Variants in RNF220 observed in about 807,000 individuals in gnomAD.
RNF220 encodes the protein ring finger protein 220.
In RNF220, 7 loss-of-function variants were observed where a neutral mutation model predicts 67.1. The observed-to-expected ratio is 0.10, with a 90% CI of 0.06 to 0.20. The LOEUF (loss-of-function observed/expected upper bound fraction) is 0.20, where lower values mean the gene tolerates loss of function less well. Ranked by LOEUF, RNF220 falls within the 10% of genes least tolerant of loss-of-function variation. The pLI is 1.00. For missense variants in RNF220, 565 were observed against 740.3 expected, an observed-to-expected ratio of 0.76 and a Z score of 2.75; for synonymous variants, 270 against 283.2, an observed-to-expected ratio of 0.95 and a Z score of 0.47.
intron 2 of RNF220, among the ~76,000 whole-genome samples, chr1:44,605,253 C>G (rs1667189255): frequency 6.7e-6 from 1 of 148,424 alleles, no homozygotes; most frequent in Non-Finnish European, 1.5e-5. Flanking sequence ...GAGCTGAGAT[C>G]ACACCACTGC....
intron 8 of RNF220, among the ~76,000 whole-genome samples, chr1:44,639,143 G>A (rs1421033127): frequency 6.6e-6 from 1 of 152,214 alleles, no homozygotes; most frequent in Non-Finnish European, 1.5e-5. Context: ...GGGGCTTCTA[G>A]GCTAGAGAAG....
Position 44,645,106 on chromosome 1 carries a change from G to T in RNF220, c.1310+25G>T, listed in dbSNP as rs372664886. Reference sequence around the variant, plus strand: ...AGCAAGTGTGGGCACAGGCTTGGGCGGGTGGAGCAGAGAAACAGGAAGCCC... The same window carrying T: ...AGCAAGTGTGGGCACAGGCTTGGGCTGGTGGAGCAGAGAAACAGGAAGCCC... On this transcript the variant is annotated intron_variant, in intron 10 of 14. Coordinates refer to ENST00000361799, the MANE Select transcript of RNF220 (RefSeq NM_018150.4). The surrounding 1 kb of genome is among the most constrained non-coding windows in gnomAD (Gnocchi z 5.0). 1.9e-6 allele frequency: 3 copies of T among 1,613,532 alleles called. No individual in the cohort carries two copies. Among genetic ancestry groups the T allele is most frequent in the Admixed American group, 3.3e-5 (2 of 59,998 alleles).
chr1:44,530,517 T>G (rs181195265), intron 2 of RNF220, among the ~76,000 whole-genome samples: 260 of 124,442 alleles, frequency 2.1e-3, no homozygotes, highest in African/African-American at 7.6e-3. Flanking sequence ...TGCACTTTCA[T>G]GGAGTCAAAT....
chr1:44,518,649 G>A (rs560082388), intron 2 of RNF220, among the ~76,000 whole-genome samples: 2 of 152,272 alleles, frequency 1.3e-5, no homozygotes, highest in East Asian at 1.9e-4. Context: ...GGCCAAGGCA[G>A]GCAGATCACG....
chr1:44,583,043 C>A (rs977192802), intron 2 of RNF220, among the ~76,000 whole-genome samples: 1 of 152,014 alleles, frequency 6.6e-6, no homozygotes, highest in African/African-American at 2.4e-5. Context: ...ATCTACTGAG[C>A]TCAAGTCACT....
At chr1:44,603,527 G>A (rs1212415571) in intron 2 of RNF220, among the ~76,000 whole-genome samples, 1 of 152,252 alleles carries the variant, frequency 6.6e-6, no homozygotes, top group Admixed American at 6.5e-5. Context: ...TGTTGGCTCC[G>A]CCGCTGCTGC....
intron 2 of RNF220, among the ~76,000 whole-genome samples, chr1:44,476,692 GTCACTGGGTTGTGGGC>G (rs1655331500): frequency 6.6e-6 from 1 of 152,332 alleles, no homozygotes; most frequent in Admixed American, 6.5e-5. Context: ...AGATGTTAGA[GTCACTGGGTTGTGGGC>G]TTGCAACCAT....
At chr1:44,584,552 C>T (rs545208920) in intron 2 of RNF220, among the ~76,000 whole-genome samples, 3 of 152,296 alleles carry the variant, frequency 2.0e-5, no homozygotes. Context: ...TGAAGGTTGT[C>T]AGGATGGTGG....
At chr1:44,589,445 T>C (rs1471630809) in intron 2 of RNF220, among the ~76,000 whole-genome samples, 3 of 152,008 alleles carry the variant, frequency 2.0e-5, no homozygotes, top group Non-Finnish European at 2.9e-5. Flanking sequence ...AAACCCCGTC[T>C]CTACTAAAAA....
At chr1:44,546,881 C>G (rs187004844) in intron 2 of RNF220, among the ~76,000 whole-genome samples, 17 of 152,352 alleles carry the variant, frequency 1.1e-4, no homozygotes, top group African/African-American at 4.1e-4. Flanking sequence ...CCTCTCCAGG[C>G]GCCTCCTGGC....
At position 44,650,173 on chromosome 1, in the gene RNF220, C is replaced by T. The variant is rs1644753531; in HGVS notation, c.1629+216C>T. The T allele has an allele frequency of 3.3e-6, 2 of 602,320 alleles. No homozygotes were observed. The highest frequency in any genetic ancestry group is 2.8e-5 in the East Asian group (1 of 35,822). 37.3% of individuals were successfully genotyped at this position (602,320 alleles called of 1,614,324 possible). On this transcript the variant is annotated intron_variant, in intron 14 of 14. Coordinates refer to ENST00000361799, the MANE Select transcript of RNF220 (RefSeq NM_018150.4). The surrounding 1 kb of genome is among the most constrained non-coding windows in gnomAD (Gnocchi z 4.3). ...AGGAACTTCTCCCCCTCCATGAGTTCACTGCATTCTCCCTTCCCCGCCCCG... is the reference window on the plus strand; with the variant it reads ...AGGAACTTCTCCCCCTCCATGAGTTTACTGCATTCTCCCTTCCCCGCCCCG...
intron 2 of RNF220, among the ~76,000 whole-genome samples, chr1:44,421,447 C>T (rs1458283101): frequency 1.3e-5 from 2 of 152,030 alleles, no homozygotes; most frequent in African/African-American, 4.8e-5. Flanking sequence ...ACCCTCTTGC[C>T]TATGTGAGAC....
chr1:44,618,290 GCA>G (rs1262084385), intron 3 of RNF220, among the ~76,000 whole-genome samples: 3 of 152,098 alleles, frequency 2.0e-5, no homozygotes, highest in Non-Finnish European at 2.9e-5. Flanking sequence ...ACATGCAGGT[GCA>G]CACACACACC....
chr1:44,539,490 ATT>A (rs1661511588), intron 2 of RNF220, among the ~76,000 whole-genome samples: 1 of 152,212 alleles, frequency 6.6e-6, no homozygotes, highest in Non-Finnish European at 1.5e-5. Context: ...AGACACAAGG[ATT>A]CACGTAGCCT....
chr1:44,427,228 C>G (rs1649881949), intron 2 of RNF220, among the ~76,000 whole-genome samples: 1 of 152,114 alleles, frequency 6.6e-6, no homozygotes, highest in Non-Finnish European at 1.5e-5. Flanking sequence ...CAGTCTGACT[C>G]CAGAGTCAAT....
chr1:44,606,359 C>A lies in RNF220; in HGVS notation c.626-7806C>A, dbSNP rs886499582. Among the ~76,000 whole-genome samples the A allele has an allele frequency of 6.6e-6, 1 of 152,132 alleles. No individual in the cohort carries two copies. The highest frequency in any genetic ancestry group is 2.4e-5 in the African/African-American group (1 of 41,400). On this transcript the variant is annotated intron_variant, in intron 2 of 14. Coordinates refer to ENST00000361799, the MANE Select transcript of RNF220 (RefSeq NM_018150.4). This position sits in a 1 kb window ranked among gnomAD's most constrained non-coding sequence, Gnocchi z 4.2. ...CTTGCTGTCCCATACTCAGCAGAGG[C>A]GCCAATCATAGTTTTAAGAGAAGGA...
At chr1:44,468,656 A>G (rs891654479) in intron 2 of RNF220, among the ~76,000 whole-genome samples, 19 of 152,282 alleles carry the variant, frequency 1.2e-4, no homozygotes, top group Admixed American at 9.1e-4. Flanking sequence ...GCTCATGCCT[A>G]TAATTTCAGC....
intron 12 of RNF220, among the ~76,000 whole-genome samples, chr1:44,647,528 T>A (rs1644685884): frequency 6.6e-6 from 1 of 152,144 alleles, no homozygotes; most frequent in African/African-American, 2.4e-5. Context: ...GTCAGAGCCT[T>A]TCTTGGCATC....
In RNF220 at chr1:44,486,409, G is replaced by A. The variant is rs906194988; in HGVS notation, c.625+73687G>A. 4.6e-5 allele frequency among the ~76,000 whole-genome samples: 7 copies of A among 152,088 alleles called. No individual in the cohort carries two copies. The South Asian group carries it at 8.3e-4, about 18-fold the overall frequency. Reference sequence around the variant, plus strand: ...AGACAGACATATGTTCTCTTCCCCCGTCATCTTTCTTTTTAAAAATAACTT... The same window carrying A: ...AGACAGACATATGTTCTCTTCCCCCATCATCTTTCTTTTTAAAAATAACTT... On this transcript the variant is annotated intron_variant, in intron 2 of 14. Transcript: ENST00000361799.
Sources: gnomAD v4.1 joint callset for allele counts (sites outside exome capture counted in the v4.1 genomes callset) on GRCh38, gnomAD v4.1.1 for gene constraint, Gnocchi (gnomAD v3.1) non-coding constraint, MANE v1.5 for transcripts, NCBI Gene and HGNC (gene_info 2026-07-23, HGNC 2026-07-21) for gene names.